The following MGST1 variants were observed in gnomAD, a reference collection of about 807,000 sequenced individuals.
MGST1 encodes glutathione S-transferase 12.
MGST1 carries 5 observed loss-of-function variants against 8.9 expected under a neutral mutation model. The observed-to-expected ratio is 0.56, with a 90% CI of 0.29 to 1.19. The LOEUF is 1.19. Among genes scored for constraint, MGST1 ranks in the 50% most tolerant of loss-of-function variants. The probability of loss-of-function intolerance (pLI) is 0.08; values close to 1 mark genes in which losing one functional copy is unlikely to be tolerated. For synonymous variants in MGST1, 54 were observed against 67.8 expected, an observed-to-expected ratio of 0.80 and a Z score of 1.00; for missense variants, 182 against 187.4, an observed-to-expected ratio of 0.97 and a Z score of 0.17.
chr12:16,394,536 TTCTTTCTTTCTTTCTTTC>T (rs1248035624), intron 1 of MGST1, among the ~76,000 whole-genome samples: 3 of 73,752 alleles, frequency 4.1e-5, no homozygotes, highest in Non-Finnish European at 7.9e-5. Flanking sequence ...CTTTCTTTCT[TTCTTTCTTTCTTTCTTTC>T]TTTCTTTCTT....
intron 4 of MGST1, among the ~76,000 whole-genome samples, chr12:16,445,370 A>G (rs954249328): frequency 1.3e-5 from 2 of 151,820 alleles, no homozygotes; most frequent in Non-Finnish European, 1.5e-5. Context: ...TTGAAGATAT[A>G]ATTTATCTTC....
chr12:16,455,934 C>A (rs959257700), intron 4 of MGST1, among the ~76,000 whole-genome samples: 8 of 151,556 alleles, frequency 5.3e-5, no homozygotes, highest in Admixed American at 4.0e-4. Flanking sequence ...TATGTGTGTA[C>A]GTGTGTGTAT....
At chr12:16,499,965 C>A (rs1941494999) in intron 4 of MGST1, among the ~76,000 whole-genome samples, 1 of 151,922 alleles carries the variant, frequency 6.6e-6, no homozygotes, top group Non-Finnish European at 1.5e-5. Context: ...GTTAAAGGTA[C>A]AATGAGATGA....
intron 4 of MGST1, among the ~76,000 whole-genome samples, chr12:16,519,410 A>G (rs1941634640): frequency 6.6e-6 from 1 of 152,178 alleles, no homozygotes; most frequent in African/African-American, 2.4e-5. Context: ...TGAGAGGAGA[A>G]AAGTATGAAA....
chr12:16,498,775 T>A (rs1259358223), intron 4 of MGST1, among the ~76,000 whole-genome samples: 1 of 152,178 alleles, frequency 6.6e-6, no homozygotes, highest in African/African-American at 2.4e-5. Context: ...GGGTAGCTCA[T>A]GCACCAACTA....
At chr12:16,355,069 G>A (rs561890476) in intron 2 of MGST1, among the ~76,000 whole-genome samples, 2 of 152,220 alleles carry the variant, frequency 1.3e-5, no homozygotes, top group African/African-American at 2.4e-5. Flanking sequence ...TTTCACGGGG[G>A]TAGTCCCTGT....
intron 4 of MGST1, among the ~76,000 whole-genome samples, chr12:16,518,792 T>A (rs1385311569): frequency 1.3e-5 from 2 of 152,152 alleles, no homozygotes; most frequent in African/African-American, 2.4e-5. Context: ...ACTACGTGGT[T>A]TAGGTTGTGC....
chr12:16,400,605 G>C, intron 1 of MGST1: 1 of 1,131,394 alleles, frequency 8.8e-7, no homozygotes, highest in Non-Finnish European at 1.3e-6. Context: ...TCTGTTCCCC[G>C]GTCATCGTAT....
intron 1 of MGST1, among the ~76,000 whole-genome samples, chr12:16,434,267 A>G (rs2137096570): frequency 6.6e-6 from 1 of 152,254 alleles, no homozygotes; most frequent in African/African-American, 2.4e-5. Flanking sequence ...TATGCAAATG[A>G]GAAAGAAATG....
rs1254356625 is a variant in MGST1 at position 16,503,525 on chromosome 12, A to G, written n.483-86003A>G. Among the ~76,000 whole-genome samples, 1 of 152,172 alleles carries G rather than the reference A, an allele frequency of 6.6e-6. No homozygotes were observed. Among genetic ancestry groups the G allele is most frequent in the East Asian group, 1.9e-4 (1 of 5,186 alleles). On this transcript the variant is annotated intron_variant and non_coding_transcript_variant, in intron 4 of 4. Transcript: ENST00000538857. The surrounding 1 kb of genome is among the most constrained non-coding windows in gnomAD (Gnocchi z 4.8). ...TTAGGATGAAGGATAAAGGACATGA[A>G]CATTTTCTGTTCACCACTCTATCTC...
intron 4 of MGST1, among the ~76,000 whole-genome samples, chr12:16,461,084 A>G (rs749798208): frequency 8.5e-5 from 13 of 152,116 alleles, no homozygotes; most frequent in Non-Finnish European, 1.6e-4. Context: ...AGAAACAACA[A>G]CAAAGACTAT....
intron 4 of MGST1, among the ~76,000 whole-genome samples, chr12:16,526,058 G>A (rs1369684414): frequency 4.2e-5 from 6 of 144,126 alleles, no homozygotes; most frequent in East Asian, 4.0e-4. Context: ...TTTGTCAGAT[G>A]AGTAGGTTGT....
exon 1 of MGST1, chr12:16,382,944 C>A: frequency 6.5e-6 from 1 of 152,838 alleles, no homozygotes; most frequent in Non-Finnish European, 1.5e-5. Flanking sequence ...ACCCTCCGAG[C>A]CAGGTGCGAG....
chr12:16,390,590 C>T (rs1420279874), intron 1 of MGST1, among the ~76,000 whole-genome samples: 1 of 152,188 alleles, frequency 6.6e-6, no homozygotes, highest in Non-Finnish European at 1.5e-5. Flanking sequence ...AGAATAATAG[C>T]TTCCAGCTCC....
intron 4 of MGST1, among the ~76,000 whole-genome samples, chr12:16,512,284 A>T (rs773324659): frequency 1.3e-5 from 2 of 152,140 alleles, no homozygotes; most frequent in African/African-American, 4.8e-5. Context: ...CAGTAAAAAA[A>T]ATTCCAATAA....
intron 4 of MGST1, among the ~76,000 whole-genome samples, chr12:16,491,676 A>G (rs1487851481): frequency 6.6e-6 from 1 of 152,178 alleles, no homozygotes; most frequent in Non-Finnish European, 1.5e-5. Context: ...ACAACATACA[A>G]CATGTCATCA....
At chr12:16,353,207 G>A (rs1486054287) in intron 1 of MGST1, among the ~76,000 whole-genome samples, 1 of 151,788 alleles carries the variant, frequency 6.6e-6, no homozygotes, top group Non-Finnish European at 1.5e-5. Flanking sequence ...CTAATTTTTT[G>A]TATTTTTAGT....
At chr12:16,440,584 C>A (rs1352086239), downstream of MGST1, among the ~76,000 whole-genome samples, 1 of 151,740 alleles carries the variant, frequency 6.6e-6, no homozygotes, top group Non-Finnish European at 1.5e-5. Context: ...GTAGTTCATT[C>A]TTTTGCATTC....
At chr12:16,421,114 A>G (rs1940832097) in intron 1 of MGST1, among the ~76,000 whole-genome samples, 1 of 152,148 alleles carries the variant, frequency 6.6e-6, no homozygotes, top group Non-Finnish European at 1.5e-5. Flanking sequence ...GAAATGATCC[A>G]GACTTAAGCC....
Sources: gnomAD v4.1 joint callset for allele counts (sites outside exome capture counted in the v4.1 genomes callset) on GRCh38, gnomAD v4.1.1 for gene constraint, Gnocchi (gnomAD v3.1) non-coding constraint, MANE v1.5 for transcripts, NCBI Gene and HGNC (gene_info 2026-07-23, HGNC 2026-07-21) for gene names.